The following TPD52L1 variants were observed in gnomAD, a reference collection of about 807,000 sequenced individuals.
TPD52L1 encodes the protein TPD52 like 1.
TPD52L1 carries 18 observed loss-of-function variants against 28.7 expected under a neutral mutation model. The observed-to-expected ratio is 0.63, with a 90% CI of 0.43 to 0.93. The LOEUF (loss-of-function observed/expected upper bound fraction) is 0.93. Among genes scored for constraint, TPD52L1 ranks in the 40% least tolerant of loss-of-function variants. The pLI is 0.00. For synonymous variants in TPD52L1, 75 were observed against 88.8 expected, an observed-to-expected ratio of 0.84 and a Z score of 0.88; for missense variants, 203 against 254.8, an observed-to-expected ratio of 0.80 and a Z score of 1.39.
chr6:125,219,999 G>C, intron 1 of TPD52L1, 79 bp from the exon 2 acceptor site: 2 of 1,001,090 alleles, frequency 2.0e-6, no homozygotes, highest in Non-Finnish European at 3.2e-6. Context: ...AGTGCATCTA[G>C]TCCTCCACAC....
chr6:125,171,720 G>C (rs958999613), intron 1 of TPD52L1, among the ~76,000 whole-genome samples: 1 of 152,200 alleles, frequency 6.6e-6, no homozygotes, highest in Non-Finnish European at 1.5e-5. Context: ...GCCTCTAGAT[G>C]AGAGTGCAGT....
intron 1 of TPD52L1, among the ~76,000 whole-genome samples, chr6:125,175,224 T>C (rs1791747674): frequency 6.6e-6 from 1 of 152,140 alleles, no homozygotes; most frequent in African/African-American, 2.4e-5. Context: ...GAGCACTCTA[T>C]AAATACATGC....
At chr6:125,229,326 G>A (rs1427715063) in intron 3 of TPD52L1, 60 bp downstream of exon 3, 124 of 1,466,592 alleles carry the variant, frequency 8.5e-5, no homozygotes, top group Non-Finnish European at 1.1e-4. Flanking sequence ...ACTCTGTTGT[G>A]TTTTGTTTCA....
intron 1 of TPD52L1, among the ~76,000 whole-genome samples, chr6:125,174,616 C>T (rs1791709700): frequency 6.6e-6 from 1 of 152,196 alleles, no homozygotes; most frequent in Admixed American, 6.5e-5. Flanking sequence ...TAAAGATTTG[C>T]ATAGCAGATA....
chr6:125,252,071 C>G (rs1391491480), intron 4 of TPD52L1: 1 of 1,535,824 alleles, frequency 6.5e-7, no homozygotes, highest in Admixed American at 2.0e-5. Context: ...GGGCTTTCCC[C>G]ACTCCCTTGC....
At chr6:125,194,385 T>C (rs1032863847) in intron 1 of TPD52L1, among the ~76,000 whole-genome samples, 5 of 152,150 alleles carry the variant, frequency 3.3e-5, no homozygotes, top group African/African-American at 1.2e-4. Context: ...AAGAAAGTAG[T>C]GTTTTCTTCC....
intron 1 of TPD52L1, among the ~76,000 whole-genome samples, chr6:125,195,517 G>A (rs889230207): frequency 6.6e-6 from 1 of 152,158 alleles, no homozygotes; most frequent in African/African-American, 2.4e-5. Context: ...TATATAAAAT[G>A]AGTAAATTTT....
At chr6:125,204,628 C>T (rs377551398) in intron 1 of TPD52L1, among the ~76,000 whole-genome samples, 1 of 152,138 alleles carries the variant, frequency 6.6e-6, no homozygotes, top group African/African-American at 2.4e-5. Flanking sequence ...TACAGGCGCC[C>T]GCCGTCACGC....
chr6:125,193,492 C>A lies in TPD52L1; in HGVS notation c.20-26586C>A, dbSNP rs1411643921. Among the ~76,000 whole-genome samples, 4 of 152,024 alleles carry A rather than the reference C, an allele frequency of 2.6e-5. No homozygotes were observed. In the East Asian group the frequency reaches 7.7e-4, roughly 29 times the overall value. On this transcript the variant is annotated intron_variant, in intron 1 of 6. Transcript: ENST00000534000. ...GACTCAAGAATGGTTGCAAAAGTCC[C>A]AAGCAGCTTTTCTGTGAATTATTGC... is the stretch of plus-strand genomic sequence containing the variant.
At chr6:125,260,800 C>T (rs544936686) in intron 6 of TPD52L1, among the ~76,000 whole-genome samples, 22 of 141,354 alleles carry the variant, frequency 1.6e-4, no homozygotes, top group Non-Finnish European at 2.9e-4. Context: ...AGCAAGACTC[C>T]GTCTCAAAAA....
intron 5 of TPD52L1, among the ~76,000 whole-genome samples, chr6:125,256,061 A>G (rs913243801): frequency 2.6e-5 from 4 of 152,192 alleles, no homozygotes; most frequent in African/African-American, 9.6e-5. Flanking sequence ...ATAAAATGCC[A>G]TTAGGGGCCA....
chr6:125,218,825 A>G (rs1053537243), intron 1 of TPD52L1, among the ~76,000 whole-genome samples: 3 of 152,234 alleles, frequency 2.0e-5, no homozygotes, highest in Admixed American at 2.0e-4. Flanking sequence ...TCAGCTAAAA[A>G]CGGGTCCTTG....
chr6:125,229,305 G>T, intron 3 of TPD52L1, 39 bp downstream of exon 3: 1 of 1,565,818 alleles, frequency 6.4e-7, no homozygotes, highest in Non-Finnish European at 8.6e-7. Flanking sequence ...AACTCAGCCT[G>T]ATGTCTCCTC....
intron 3 of TPD52L1, among the ~76,000 whole-genome samples, chr6:125,247,381 T>A (rs530906163): frequency 1.3e-5 from 2 of 152,288 alleles, no homozygotes; most frequent in South Asian, 2.1e-4. Context: ...AAATTTCTCA[T>A]CCCTATAGGT....
chr6:125,251,818 G>A (rs1412264756), intron 4 of TPD52L1, among the ~76,000 whole-genome samples: 1 of 152,206 alleles, frequency 6.6e-6, no homozygotes. Context: ...TATACTTATA[G>A]GAATAACAGA....
chr6:125,188,421 T>C (rs1393656855), intron 1 of TPD52L1, among the ~76,000 whole-genome samples: 3 of 152,210 alleles, frequency 2.0e-5, no homozygotes, highest in Non-Finnish European at 2.9e-5. Flanking sequence ...ATTGGTAGTA[T>C]GTGAACATTT....
chr6:125,217,244 T>C (rs556092121), intron 1 of TPD52L1, among the ~76,000 whole-genome samples: 1 of 152,264 alleles, frequency 6.6e-6, no homozygotes. Flanking sequence ...GTGATGTTTT[T>C]GGGATGATTC....
Position 125,156,003 on chromosome 6 carries a change from A to T in TPD52L1, c.19+2033A>T, listed in dbSNP as rs1057159324. Among the ~76,000 whole-genome samples the T allele has an allele frequency of 4.6e-5, 7 of 152,146 alleles. 1 individual carries two copies. In the South Asian group the frequency reaches 1.2e-3, roughly 27 times the overall value. On this transcript the variant is annotated intron_variant, in intron 1 of 6. Transcript: ENST00000534000. ...TGGATGCTGTGAGGGACCCATTCTC[A>T]CTCAAAGCCTATGACTTTTGGAGGA...
intron 1 of TPD52L1, chr6:125,203,634 G>T: frequency 1.0e-6 from 1 of 985,414 alleles, no homozygotes; most frequent in Admixed American, 6.1e-5. Context: ...TGACACAGCA[G>T]AAACCCTTGG....
Sources: allele counts gnomAD v4.1 joint callset (sites outside exome capture counted in the v4.1 genomes callset), GRCh38; gene constraint gnomAD v4.1.1; transcripts MANE v1.5; gene names NCBI Gene and HGNC (gene_info 2026-07-23, HGNC 2026-07-21).